Variants in PPP5C observed in about 807,000 individuals in gnomAD.
PPP5C encodes the protein serine/threonine-protein phosphatase 5.
PPP5C carries 21 observed loss-of-function variants against 66.7 expected under a neutral mutation model. The ratio of observed to expected loss-of-function variants is 0.31; its 90% CI spans 0.22 to 0.45. The LOEUF (loss-of-function observed/expected upper bound fraction) is 0.45, where lower values mean the gene tolerates loss of function less well. PPP5C is among the 20% of genes least tolerant of loss of function. The pLI is 1.00. For missense variants in PPP5C, 464 were observed against 675.9 expected (o/e 0.69, Z 3.48); for synonymous variants, 246 against 257.4 (o/e 0.96, Z 0.43).
chr19:46,386,041 G>A (rs1223075637), intron 7 of PPP5C, among the ~76,000 whole-genome samples: 1 of 152,140 alleles, frequency 6.6e-6, no homozygotes, highest in Admixed American at 6.6e-5. Flanking sequence ...GAACGAAAGG[G>A]GCCCTCTAGG....
rs1470400986 is a variant in PPP5C at position 46,353,891 on chromosome 19, A to G, written c.265A>G (p.Ile89Val). The G allele has an allele frequency of 2.5e-6, 4 of 1,606,200 alleles. No homozygotes were observed. The highest frequency in any genetic ancestry group is 4.5e-5 in the East Asian group (2 of 44,598). ...CGCGCTGGGAGACGCCACGCGGGCCATTGAGCTGGACAAGAAGTACATCAA... is the reference window on the plus strand; with the variant it reads ...CGCGCTGGGAGACGCCACGCGGGCCGTTGAGCTGGACAAGAAGTACATCAA... ...GYALGDATRA[I>V]ELDKKYIKGY... is the part of the protein sequence containing the mutation. Residue 89 changes from isoleucine to valine, a missense_variant, in exon 2 of 13, where the codon ATT becomes GTT. By Grantham distance (29) the Ile-to-Val change is conservative (BLOSUM62 3). This residue lies in a region of PPP5C where 387 missense variants were observed against 626.0 expected (regional missense o/e 0.62). Coordinates refer to ENST00000012443, the MANE Select transcript of PPP5C (RefSeq NM_006247.4).
At chr19:46,380,210 C>A (rs930405735) in intron 4 of PPP5C, among the ~76,000 whole-genome samples, 1 of 151,992 alleles carries the variant, frequency 6.6e-6, no homozygotes, top group African/African-American at 2.4e-5. Context: ...ATCCCAGCTG[C>A]TCGAGAGGCT....
intron 1 of PPP5C, 96 bp downstream of exon 1, chr19:46,347,313 C>T: frequency 1.4e-6 from 2 of 1,459,394 alleles, no homozygotes; most frequent in South Asian, 1.4e-5. Flanking sequence ...AGCCTGGGCG[C>T]GGGGCAGACA....
At chr19:46,386,887 G>A (rs1044151394) in intron 7 of PPP5C, 5 of 675,138 alleles carry the variant, frequency 7.4e-6, no homozygotes, top group African/African-American at 1.8e-5. Context: ...GGAATTATAG[G>A]CGTGAGCCAT....
chr19:46,386,434 G>C (rs575253300), intron 7 of PPP5C, among the ~76,000 whole-genome samples: 1 of 152,036 alleles, frequency 6.6e-6, no homozygotes, highest in East Asian at 1.9e-4. Context: ...CGTTGCAGGA[G>C]GCAACAAGTG....
At chr19:46,384,446 G>A (rs918202298) in intron 6 of PPP5C, 3 of 293,888 alleles carry the variant, frequency 1.0e-5, no homozygotes, top group African/African-American at 4.3e-5. Flanking sequence ...TGTTGAGTGG[G>A]AGGGCCCGTG....
At chr19:46,367,210 T>G (rs1032399991) in intron 2 of PPP5C, among the ~76,000 whole-genome samples, 1 of 152,190 alleles carries the variant, frequency 6.6e-6, no homozygotes, top group African/African-American at 2.4e-5. Flanking sequence ...TAGTTACGGT[T>G]TCTTAGGAAT....
chr19:46,348,305 GA>G (rs1337636254), intron 1 of PPP5C, among the ~76,000 whole-genome samples: 3,858 of 137,982 alleles, frequency 0.028, 59 homozygotes, highest in Non-Finnish European at 0.042. Context: ...GACCAGTTTG[GA>G]ATTTTTTTTT....
At chr19:46,374,200 C>A (rs1472306088) in intron 2 of PPP5C, among the ~76,000 whole-genome samples, 1 of 152,212 alleles carries the variant, frequency 6.6e-6, no homozygotes, top group African/African-American at 2.4e-5. Context: ...GGGCTCTTCT[C>A]ACCCCGCTTG....
Position 46,353,841 on chromosome 19 carries a change from A to T in PPP5C, c.215A>T (p.Tyr72Phe), listed in dbSNP as rs772906552. 8 of 1,612,226 alleles carry T rather than the reference A, an allele frequency of 5.0e-6. No individual in the cohort carries two copies. The highest frequency in any genetic ancestry group is 1.3e-5 in the African/African-American group (1 of 75,054). ...TACTATGGCAACCGCAGCCTGGCCT[A>T]CCTGCGCACTGAGTGCTATGGCTAC... ...AIYYGNRSLA[Y>F]LRTECYGYAL... The change falls in exon 2 of 13, where the codon TAC becomes TTC. Residue 72 changes from tyrosine to phenylalanine, a missense_variant. Transcript: ENST00000012443.
intron 2 of PPP5C, among the ~76,000 whole-genome samples, chr19:46,363,361 GTTTTATTTGCCAA>G (rs1972432948): frequency 1.0e-5 from 1 of 98,160 alleles, no homozygotes; most frequent in East Asian, 3.3e-4. Context: ...TTTTAAACTA[GTTTTATTTGCCAA>G]AAGATTTACT....
intron 2 of PPP5C, among the ~76,000 whole-genome samples, chr19:46,365,567 T>C (rs1972476843): frequency 1.3e-5 from 2 of 152,242 alleles, no homozygotes; most frequent in Admixed American, 1.3e-4. Context: ...TCTTATCACC[T>C]TGTGGCAGCA....
chr19:46,367,894 G>T (rs945911668), intron 2 of PPP5C, among the ~76,000 whole-genome samples: 10 of 152,172 alleles, frequency 6.6e-5, no homozygotes, highest in African/African-American at 1.2e-4. Context: ...TTTTAGCTCA[G>T]GTCCGACTCT....
intron 1 of PPP5C, among the ~76,000 whole-genome samples, chr19:46,353,528 T>TGGGGGGGGGGGGG (rs1568564253): frequency 7.4e-5 from 8 of 107,960 alleles, no homozygotes; most frequent in Admixed American, 1.1e-4. Context: ...GAGGGGTGGG[T>TGGGGGGGGGGGGG]GGGCGGGTGT....
At position 46,383,372 on chromosome 19, in the gene PPP5C, C is replaced by T. The variant is rs746912649; in HGVS notation, c.634-39C>T. On this transcript the variant is annotated intron_variant, in intron 4 of 12. Coordinates refer to ENST00000012443, the MANE Select transcript of PPP5C (RefSeq NM_006247.4). This position sits in a 1 kb window ranked among gnomAD's most constrained non-coding sequence, Gnocchi z 5.0. ...TTTCGGGGCCAGGTTGGGCAGCAGC[C>T]CCTGCAGCCGGTCCCACTGAGTCTG... 1 of 1,598,196 alleles carries T rather than the reference C, an allele frequency of 6.3e-7. No individual in the cohort carries two copies. Among genetic ancestry groups the T allele is most frequent in the Admixed American group, 1.7e-5 (1 of 57,996 alleles).
chr19:46,353,806 C>T lies in PPP5C; in HGVS notation c.180C>T (p.Ser60=). ...FYSQAIELNP[S]NAIYYGNRSL... ...GCCAGGCCATCGAGCTGAACCCCAG[C>T]AATGCCATCTACTATGGCAACCGCA... is the stretch of plus-strand genomic sequence containing the variant. Residue 60 remains serine, a synonymous_variant, in exon 2 of 13, where the codon AGC becomes AGT. Transcript: ENST00000012443. 1 of 1,614,068 alleles carries T rather than the reference C, an allele frequency of 6.2e-7. No homozygotes were observed. The highest frequency in any genetic ancestry group is 8.5e-7 in the Non-Finnish European group (1 of 1,180,006).
At position 46,375,716 on chromosome 19, in the gene PPP5C, G is replaced by C; in HGVS notation, c.476G>C (p.Arg159Pro). 1 of 1,609,404 alleles carries C rather than the reference G, an allele frequency of 6.2e-7. No homozygotes were observed. Among genetic ancestry groups the C allele is most frequent in the East Asian group, 2.2e-5 (1 of 44,662 alleles). ...GCCATCGCGGGCGACGAGCACAAGCGCTCCGTGGTGGACTCGCTGGACATC... is the reference window on the plus strand; with the variant it reads ...GCCATCGCGGGCGACGAGCACAAGCCCTCCGTGGTGGACTCGCTGGACATC... ...ERAIAGDEHKRSVVDSLDIES... is the reference protein window; with the variant it reads ...ERAIAGDEHKPSVVDSLDIES... Residue 159 changes from arginine to proline, a missense_variant, in exon 3 of 13, where the codon CGC becomes CCC. Physicochemically the swap from Arg to Pro is moderately radical, Grantham distance 103. Coordinates refer to ENST00000012443, the MANE Select transcript of PPP5C (RefSeq NM_006247.4).
At chr19:46,349,355 G>T (rs537007623) in intron 1 of PPP5C, among the ~76,000 whole-genome samples, 21 of 152,238 alleles carry the variant, frequency 1.4e-4, no homozygotes, top group African/African-American at 4.6e-4. Context: ...ATGGAAGAGA[G>T]TAGAGTCCAA....
intron 2 of PPP5C, among the ~76,000 whole-genome samples, chr19:46,363,594 A>G (rs943555838): frequency 1.3e-5 from 2 of 151,220 alleles, no homozygotes; most frequent in Admixed American, 6.6e-5. Flanking sequence ...ACATCCACCT[A>G]ATTTTTTCAT....
Sources: allele counts gnomAD v4.1 joint callset (sites outside exome capture counted in the v4.1 genomes callset), GRCh38; gene constraint gnomAD v4.1.1; regional missense constraint gnomAD v4.1.1; non-coding constraint Gnocchi (gnomAD v3.1); transcripts MANE v1.5; gene names NCBI Gene and HGNC (gene_info 2026-07-23, HGNC 2026-07-21).